Variants in KIF16B observed in about 807,000 individuals in gnomAD.
The protein encoded by KIF16B is kinesin family member 16B, also known as kinesin-like protein KIF16B.
Under a neutral mutation model 156.3 loss-of-function variants are expected in KIF16B, and 98 were observed. That is an observed-to-expected ratio of 0.63 (90% CI 0.53 to 0.74). The LOEUF (loss-of-function observed/expected upper bound fraction) is 0.74, where lower values mean the gene tolerates loss of function less well. KIF16B is among the 30% of genes least tolerant of loss of function. The pLI is 0.00. For missense variants in KIF16B, 1,421 were observed against 1,606.5 expected (o/e 0.88, Z 1.97); for synonymous variants, 564 against 583.7 (o/e 0.97, Z 0.49).
chr20:16,439,312 C>T (rs1401938654), intron 12 of KIF16B, among the ~76,000 whole-genome samples: 1 of 152,196 alleles, frequency 6.6e-6, no homozygotes. Context: ...CATCTACTCT[C>T]CATATGGCAG....
chr20:16,390,863 A>C (rs895836250), intron 17 of KIF16B, among the ~76,000 whole-genome samples: 10 of 152,238 alleles, frequency 6.6e-5, no homozygotes, highest in Admixed American at 3.3e-4. Flanking sequence ...AGTAGAATAA[A>C]GAATGGACAG....
intron 12 of KIF16B, among the ~76,000 whole-genome samples, chr20:16,441,903 T>C (rs902826149): frequency 1.3e-5 from 2 of 152,188 alleles, no homozygotes; most frequent in Non-Finnish European, 2.9e-5. Flanking sequence ...TCTATATCTG[T>C]CTCTGTCTTT....
intron 1 of KIF16B, among the ~76,000 whole-genome samples, chr20:16,559,890 C>G (rs1450103227): frequency 6.6e-6 from 1 of 151,988 alleles, no homozygotes; most frequent in Admixed American, 6.6e-5. Context: ...TGAATAAAGT[C>G]TATTCAGATT....
chr20:16,286,723 C>T (rs1255954389), intron 25 of KIF16B, among the ~76,000 whole-genome samples: 1 of 152,118 alleles, frequency 6.6e-6, no homozygotes, highest in Admixed American at 6.6e-5. Flanking sequence ...CAAGGTCAAG[C>T]AGAGGTGAAG....
chr20:16,308,396 TTAACACTGTAG>T (rs2063570692), intron 25 of KIF16B, among the ~76,000 whole-genome samples: 1 of 152,222 alleles, frequency 6.6e-6, no homozygotes, highest in African/African-American at 2.4e-5. Context: ...TGGATCTTAG[TTAACACTGTAG>T]TGATAACACT....
At chr20:16,448,633 C>T (rs2146583141) in intron 12 of KIF16B, among the ~76,000 whole-genome samples, 1 of 152,262 alleles carries the variant, frequency 6.6e-6, no homozygotes, top group African/African-American at 2.4e-5. Flanking sequence ...CAACAAACAT[C>T]AACCAACATC....
At position 16,273,321 on chromosome 20, in the gene KIF16B, T is replaced by C. The variant is rs749280210; in HGVS notation, c.3886A>G (p.Thr1296Ala). 6.2e-7 allele frequency: 1 copy of C among 1,613,616 alleles called. No homozygotes were observed. The highest frequency in any genetic ancestry group is 1.3e-5 in the African/African-American group (1 of 74,896). Reference protein sequence around the residue: ...NKVGLTLSKHTICEFSPFFKK... With the variant: ...NKVGLTLSKHAICEFSPFFKK... Reference sequence around the variant, plus strand: ...AAGAATGGTGAAAACTCACAAATGGTATGTTTCGAGAGAGTCAGTCCCACT... The same window carrying C: ...AAGAATGGTGAAAACTCACAAATGGCATGTTTCGAGAGAGTCAGTCCCACT... Residue 1296 changes from threonine (T) to alanine (A), a missense_variant, in exon 26 of 26, where the codon ACC becomes GCC. By Grantham distance (58) the Thr-to-Ala change is moderately conservative (BLOSUM62 0). Coordinates refer to ENST00000354981, the MANE Select transcript of KIF16B (RefSeq NM_024704.5).
At chr20:16,460,046 A>T (rs1417063828) in intron 12 of KIF16B, among the ~76,000 whole-genome samples, 6 of 152,212 alleles carry the variant, frequency 3.9e-5, no homozygotes, top group African/African-American at 9.6e-5. Flanking sequence ...TTTTTTCAAC[A>T]ACAGAAATTT....
At chr20:16,513,242 A>C (rs1411193041) in intron 4 of KIF16B, among the ~76,000 whole-genome samples, 3 of 152,174 alleles carry the variant, frequency 2.0e-5, no homozygotes, top group Non-Finnish European at 2.9e-5. Flanking sequence ...AAATGTTAAA[A>C]ATACATGCTC....
intron 2 of KIF16B, among the ~76,000 whole-genome samples, chr20:16,526,895 G>A (rs529088026): frequency 6.6e-6 from 1 of 152,230 alleles, no homozygotes; most frequent in South Asian, 2.1e-4. Flanking sequence ...TAAAAAAATT[G>A]TTATGATTCT....
In KIF16B at chr20:16,379,921, T is replaced by C. The variant is rs202166708; in HGVS notation, c.2081A>G (p.Lys694Arg). The change falls in exon 19 of 26, where the codon AAG (lysine) becomes AGG (arginine). Residue 694 changes from lysine (K) to arginine (R), a missense_variant. Physicochemically the swap from Lys to Arg is conservative, Grantham distance 26. Coordinates refer to ENST00000354981, the MANE Select transcript of KIF16B (RefSeq NM_024704.5). ...AAAGGTCTCTTCTTCTTGTCTCTTC[T>C]TCTGCAGCTCGATTTCCTGCTGTTC... ...LREQQEIELQ[K>R]KRQEEETFLR... 6 of 1,614,090 alleles carry C rather than the reference T, an allele frequency of 3.7e-6. No homozygotes were observed. Among genetic ancestry groups the C allele is most frequent in the Non-Finnish European group, 5.1e-6 (6 of 1,180,046 alleles).
At chr20:16,273,687 CAATCA>C (rs2063017076) in intron 25 of KIF16B, among the ~76,000 whole-genome samples, 3 of 151,654 alleles carry the variant, frequency 2.0e-5, no homozygotes, top group Non-Finnish European at 2.9e-5. Flanking sequence ...ATCAATCAAT[CAATCA>C]ATCAATCAGA....
chr20:16,380,331 AT>A (rs1411211910), intron 18 of KIF16B, among the ~76,000 whole-genome samples, 168 bp from the exon 19 acceptor site: 1 of 152,036 alleles, frequency 6.6e-6, no homozygotes, highest in African/African-American at 2.4e-5. Context: ...ATCCTGTTTA[AT>A]TTTTTTTATT....
chr20:16,512,861 G>C lies in KIF16B; in HGVS notation c.411C>G (p.Thr137=). 1 of 1,613,868 alleles carries C rather than the reference G, an allele frequency of 6.2e-7. No homozygotes were observed. Among genetic ancestry groups the C allele is most frequent in the Non-Finnish European group, 8.5e-7 (1 of 1,179,732 alleles). The change falls in exon 5 of 26, where the codon ACC becomes ACG. Residue 137 remains threonine (T), a synonymous_variant. Coordinates refer to ENST00000354981, the MANE Select transcript of KIF16B (RefSeq NM_024704.5). ...TTCGAAAAGAAGCTTCATCCCATCT[G>C]GTGGTTTCATTTATCCGACTGAAGA... The part of the protein sequence containing the change: ...EGLFSRINET[T]RWDEASFRTE...
At chr20:16,434,505 A>ATT (rs5840715) in intron 12 of KIF16B, among the ~76,000 whole-genome samples, 1 of 152,110 alleles carries the variant, frequency 6.6e-6, no homozygotes, top group East Asian at 1.9e-4. Flanking sequence ...ACAAAAATCT[A>ATT]TTTTTTCCCC....
chr20:16,513,007 T>C, intron 4 of KIF16B, 84 bp from the exon 5 acceptor site: 1 of 965,380 alleles, frequency 1.0e-6, no homozygotes, highest in East Asian at 2.5e-5. Context: ...GGCATGAAGT[T>C]AGACTCAAGT....
intron 12 of KIF16B, among the ~76,000 whole-genome samples, chr20:16,467,243 C>A (rs1209189107): frequency 1.3e-5 from 2 of 152,138 alleles, no homozygotes; most frequent in Non-Finnish European, 2.9e-5. Flanking sequence ...TCAACAGGGG[C>A]ACAAGCTCAC....
chr20:16,451,370 C>T lies in KIF16B; in HGVS notation c.1303-21388G>A, dbSNP rs116709326. ...CTCCTCTAGCCACTTGGAAAGTTTA[C>T]GAAGCATACAGAACTACACTTCTCT... On this transcript the variant is annotated intron_variant, in intron 12 of 25. Transcript: ENST00000354981. Among the ~76,000 whole-genome samples the T allele has an allele frequency of 1.5e-3, 229 of 152,110 alleles. 1 individual carries two copies. The highest frequency in any genetic ancestry group is 5.1e-3 in the African/African-American group (210 of 41,502).
intron 22 of KIF16B, among the ~76,000 whole-genome samples, chr20:16,360,179 T>C (rs369130069): frequency 6.6e-6 from 1 of 152,130 alleles, no homozygotes; most frequent in Non-Finnish European, 1.5e-5. Flanking sequence ...TCATGAGAAA[T>C]GTGGAATTCT....
Sources: allele counts gnomAD v4.1 joint callset (sites outside exome capture counted in the v4.1 genomes callset), GRCh38; gene constraint gnomAD v4.1.1; transcripts MANE v1.5; gene names NCBI Gene and HGNC (gene_info 2026-07-23, HGNC 2026-07-21).